MTSS1: variants seen among roughly 807,000 people sequenced by gnomAD.
MTSS1 encodes the protein MTSS I-BAR domain containing 1.
MTSS1 carries 18 observed loss-of-function variants against 79.0 expected under a neutral mutation model. That is an observed-to-expected ratio of 0.23 (90% CI 0.16 to 0.34). The LOEUF (loss-of-function observed/expected upper bound fraction) is 0.34. Ranked by LOEUF, MTSS1 falls within the 10% of genes least tolerant of loss-of-function variation. The pLI, the probability that MTSS1 is intolerant of heterozygous loss-of-function variation, is 1.00. For missense variants in MTSS1, 815 were observed against 986.2 expected, an observed-to-expected ratio of 0.83 and a Z score of 2.33; for synonymous variants, 341 against 368.6, an observed-to-expected ratio of 0.93 and a Z score of 0.86.
At chr8:124,583,526 C>T (rs541707324) in intron 6 of MTSS1, among the ~76,000 whole-genome samples, 2 of 152,318 alleles carry the variant, frequency 1.3e-5, no homozygotes, top group South Asian at 2.1e-4. Context: ...CAGAGGACAA[C>T]CAATTCAGCC....
At chr8:124,707,889 CA>C (rs1203444633) in intron 1 of MTSS1, among the ~76,000 whole-genome samples, 1 of 152,042 alleles carries the variant, frequency 6.6e-6, no homozygotes, top group Non-Finnish European at 1.5e-5. Context: ...GAAACAAAGC[CA>C]AAGGAAAAGG....
chr8:124,593,684 C>A (rs1466549284), intron 3 of MTSS1, among the ~76,000 whole-genome samples: 1 of 152,210 alleles, frequency 6.6e-6, no homozygotes, highest in Non-Finnish European at 1.5e-5. Context: ...TTAATCCTCG[C>A]AGCACCTCCA....
rs189204425 is a variant in MTSS1 at position 124,622,335 on chromosome 8, C to T, written c.209-31100G>A. ...GGGGTGGGGGAGGTGAAGGAGGAAACGGGAGATGTAGGTGAAAGGACGCAG... is the reference window on the plus strand; with the variant it reads ...GGGGTGGGGGAGGTGAAGGAGGAAATGGGAGATGTAGGTGAAAGGACGCAG... On this transcript the variant is annotated intron_variant, in intron 3 of 13. Coordinates refer to ENST00000518547, the MANE Select transcript of MTSS1 (RefSeq NM_014751.6). Among the ~76,000 whole-genome samples the T allele has an allele frequency of 4.0e-3, 598 of 151,374 alleles. 16 individuals carry two copies. The highest frequency in any genetic ancestry group is 0.027 in the Middle Eastern group (8 of 294).
At chr8:124,620,368 T>C (rs978522232) in intron 3 of MTSS1, among the ~76,000 whole-genome samples, 1 of 152,194 alleles carries the variant, frequency 6.6e-6, no homozygotes, top group Non-Finnish European at 1.5e-5. Context: ...TGTGGGAAAA[T>C]GCTACACTAA....
chr8:124,723,710 G>A lies in MTSS1; in HGVS notation c.72+4174C>T, dbSNP rs550732503. Among the ~76,000 whole-genome samples, 20 of 152,252 alleles carry A rather than the reference G, an allele frequency of 1.3e-4. No homozygotes were observed. In the South Asian group the frequency reaches 1.5e-3, roughly 11 times the overall value. ...CCTTCTTCTCCCATGGGCCCAAAACGAGGAAGCTGTAAAACCCTGGCCAAA... is the reference window on the plus strand; with the variant it reads ...CCTTCTTCTCCCATGGGCCCAAAACAAGGAAGCTGTAAAACCCTGGCCAAA... On this transcript the variant is annotated intron_variant, in intron 1 of 13. Coordinates refer to ENST00000518547, the MANE Select transcript of MTSS1 (RefSeq NM_014751.6).
At chr8:124,686,333 C>CA (rs934313113) in intron 3 of MTSS1, among the ~76,000 whole-genome samples, 1,864 of 143,484 alleles carry the variant, frequency 0.013, 30 homozygotes, top group African/African-American at 0.034. Context: ...CTTCTGAAAA[C>CA]AAAAAAAAAA....
At position 124,553,504 on chromosome 8, in the gene MTSS1, C is replaced by A; in HGVS notation, c.1756G>T (p.Val586Phe). The change falls in exon 14 of 14, where the codon GTT becomes TTT. Residue 586 changes from valine to phenylalanine, a missense_variant. Transcript: ENST00000518547. The surrounding 1 kb of genome is among the most constrained non-coding windows in gnomAD (Gnocchi z 6.0). ...TLGPAMVTPG[V>F]ATIRRTPSTK... ...GAAGGGGTCCGTCGGATAGTTGCAA[C>A]CCCTGGAGTGACCATAGCAGGTCCC... The A allele has an allele frequency of 1.2e-6, 2 of 1,613,938 alleles. No homozygotes were observed. The highest frequency in any genetic ancestry group is 2.2e-5 in the East Asian group (1 of 44,858).
intron 10 of MTSS1, among the ~76,000 whole-genome samples, chr8:124,562,021 T>C (rs1825443589): frequency 6.6e-6 from 1 of 152,098 alleles, no homozygotes; most frequent in East Asian, 1.9e-4. Flanking sequence ...GGTGGGGCTG[T>C]GGGGCACCCA....
At position 124,683,097 on chromosome 8, in the gene MTSS1, T is replaced by C. The variant is rs1213372281; in HGVS notation, c.208+16429A>G. 6.6e-6 allele frequency among the ~76,000 whole-genome samples: 1 copy of C among 152,166 alleles called. No homozygotes were observed. Among genetic ancestry groups the C allele is most frequent in the South Asian group, 2.1e-4 (1 of 4,826 alleles). ...AGTACATTCAACTATCTGGCCCCAT[T>C]TTATTTCCATGTGATTTAAACCTGA... On this transcript the variant is annotated intron_variant, in intron 3 of 13. Coordinates refer to ENST00000518547, the MANE Select transcript of MTSS1 (RefSeq NM_014751.6). The surrounding 1 kb of genome is among the most constrained non-coding windows in gnomAD (Gnocchi z 4.5).
intron 3 of MTSS1, among the ~76,000 whole-genome samples, chr8:124,638,543 G>C (rs912331893): frequency 6.6e-6 from 1 of 152,150 alleles, no homozygotes; most frequent in African/African-American, 2.4e-5. Flanking sequence ...CGTGCCCTTC[G>C]GTACAGTGTC....
chr8:124,716,083 G>T (rs1461767056), intron 1 of MTSS1, among the ~76,000 whole-genome samples: 2 of 152,194 alleles, frequency 1.3e-5, no homozygotes, highest in South Asian at 2.1e-4. Context: ...AGTGAGGGGT[G>T]GGCCATAGAC....
intron 6 of MTSS1, chr8:124,579,587 A>G (rs1369423226): frequency 6.6e-6 from 1 of 152,210 alleles, no homozygotes; most frequent in South Asian, 2.1e-4. Context: ...GGTTTACTAG[A>G]AACTGTGCAA....
chr8:124,610,058 C>G (rs1206365148), intron 3 of MTSS1, among the ~76,000 whole-genome samples: 1 of 152,182 alleles, frequency 6.6e-6, no homozygotes, highest in Non-Finnish European at 1.5e-5. Context: ...AGGGAAAGAA[C>G]ATATGTAACT....
chr8:124,721,994 G>A (rs938066605), intron 1 of MTSS1, among the ~76,000 whole-genome samples: 4 of 152,188 alleles, frequency 2.6e-5, no homozygotes, highest in Non-Finnish European at 5.9e-5. Flanking sequence ...AGGGGACCCA[G>A]GCAAAACCTG....
intron 3 of MTSS1, among the ~76,000 whole-genome samples, chr8:124,618,094 T>C (rs1337180667): frequency 6.6e-6 from 1 of 152,182 alleles, no homozygotes; most frequent in Non-Finnish European, 1.5e-5. Flanking sequence ...TCAAGATGCC[T>C]TTGAACAGAG....
intron 3 of MTSS1, among the ~76,000 whole-genome samples, chr8:124,615,069 A>G (rs1377757018): frequency 1.3e-5 from 2 of 152,202 alleles, no homozygotes; most frequent in Non-Finnish European, 2.9e-5. Context: ...ACAGAAGAGC[A>G]CGTGCAAAAA....
chr8:124,727,779 A>C lies in MTSS1; in HGVS notation c.72+105T>G. 1.0e-6 allele frequency: 1 copy of C among 1,001,884 alleles called. No homozygotes were observed. Among genetic ancestry groups the C allele is most frequent in the Non-Finnish European group, 1.4e-6 (1 of 704,512 alleles). 62.1% of individuals were successfully genotyped at this position (1,001,884 alleles called of 1,614,324 possible). A position where few individuals can be genotyped will look rare whatever the true frequency, so the allele number is the denominator to read the frequency against. On this transcript the variant is annotated intron_variant, in intron 1 of 13. Coordinates refer to ENST00000518547, the MANE Select transcript of MTSS1 (RefSeq NM_014751.6). The surrounding 1 kb of genome is among the most constrained non-coding windows in gnomAD (Gnocchi z 4.7). ...GAGCTCCCGCAGGTGGCCGGTGGCC[A>C]CACTGCAGGGAAGGGCCGGGTGCCC...
chr8:124,560,223 T>C (rs1824987137), intron 10 of MTSS1, among the ~76,000 whole-genome samples: 1 of 152,168 alleles, frequency 6.6e-6, no homozygotes, highest in Non-Finnish European at 1.5e-5. Context: ...TTTAGAGGGC[T>C]TTATCAACAA....
intron 3 of MTSS1, among the ~76,000 whole-genome samples, chr8:124,598,206 G>A (rs1833102187): frequency 6.6e-6 from 1 of 152,136 alleles, no homozygotes; most frequent in African/African-American, 2.4e-5. Context: ...GAGGTGAGAG[G>A]ATCGCTTGAA....
Sources: gnomAD v4.1 joint callset for allele counts (sites outside exome capture counted in the v4.1 genomes callset) on GRCh38, gnomAD v4.1.1 for gene constraint, Gnocchi (gnomAD v3.1) non-coding constraint, MANE v1.5 for transcripts, NCBI Gene and HGNC (gene_info 2026-07-23, HGNC 2026-07-21) for gene names.